Variants in SORCS2 observed in about 807,000 individuals in gnomAD.
SORCS2 encodes the protein VPS10 domain-containing receptor SorCS2.
A neutral mutation model predicts 141.6 loss-of-function variants in SORCS2; 100 were observed. That is an observed-to-expected ratio of 0.71 (90% CI 0.60 to 0.83). The LOEUF is 0.83. SORCS2 is among the 40% of genes least tolerant of loss of function. The pLI, the probability that SORCS2 is intolerant of heterozygous loss-of-function variation, is 0.00. For synonymous variants in SORCS2, 789 were observed against 676.9 expected, an observed-to-expected ratio of 1.17 and a Z score of -2.57; for missense variants, 1,646 against 1,560.2, an observed-to-expected ratio of 1.05 and a Z score of -0.93.
chr4:7,217,804 G>T (rs1728454261), intron 1 of SORCS2, among the ~76,000 whole-genome samples: 1 of 152,244 alleles, frequency 6.6e-6, no homozygotes, highest in Admixed American at 6.5e-5. Context: ...GTGGGGTGAA[G>T]CTCCGACCTG....
chr4:7,441,268 G>T (rs948822618), intron 2 of SORCS2, among the ~76,000 whole-genome samples: 3 of 152,172 alleles, frequency 2.0e-5, no homozygotes, highest in Non-Finnish European at 4.4e-5. Flanking sequence ...GCAAAAGCTG[G>T]AAAGAGCCGC....
chr4:7,676,899 T>TCTCTCTCC (rs202167356), intron 9 of SORCS2, among the ~76,000 whole-genome samples: 3 of 32,384 alleles, frequency 9.3e-5, no homozygotes, highest in African/African-American at 2.1e-4. Flanking sequence ...GGCCTCTCTC[T>TCTCTCTCC]CTCTCTCCCT....
chr4:7,258,272 G>A (rs1360124969), intron 1 of SORCS2, among the ~76,000 whole-genome samples: 1 of 152,148 alleles, frequency 6.6e-6, no homozygotes, highest in Non-Finnish European at 1.5e-5. Context: ...TACATCAGGT[G>A]TTTCTCCTAG....
intron 2 of SORCS2, among the ~76,000 whole-genome samples, chr4:7,520,216 A>G (rs1733237895): frequency 6.6e-6 from 1 of 152,228 alleles, no homozygotes; most frequent in Admixed American, 6.5e-5. Flanking sequence ...GCAGCCTGGC[A>G]TCGCGCCGAT....
At chr4:7,657,608 GGTGAGTGAGTCACTGAATGAGTTA>G (rs569406528) in intron 5 of SORCS2, among the ~76,000 whole-genome samples, 1,709 of 151,482 alleles carry the variant, frequency 0.011, 32 homozygotes, top group African/African-American at 0.039. Context: ...TGAGTGAGTG[GGTGAGTGAGTCACTGAATGAGTTA>G]GTGAGTGAGT....
intron 2 of SORCS2, among the ~76,000 whole-genome samples, chr4:7,443,816 T>A (rs894290368): frequency 6.6e-5 from 10 of 152,180 alleles, no homozygotes; most frequent in African/African-American, 2.4e-4. Flanking sequence ...CGTTCCTGAG[T>A]CTGTGGCTCC....
chr4:7,319,660 A>C (rs1718776561), intron 1 of SORCS2, among the ~76,000 whole-genome samples: 1 of 152,194 alleles, frequency 6.6e-6, no homozygotes, highest in South Asian at 2.1e-4. Context: ...GCTGCAGTGA[A>C]CTATGATCAT....
At chr4:7,492,149 C>CA (rs1731355473) in intron 2 of SORCS2, among the ~76,000 whole-genome samples, 1 of 152,256 alleles carries the variant, frequency 6.6e-6, no homozygotes, top group Non-Finnish European at 1.5e-5. Flanking sequence ...GCAGGCCCGA[C>CA]AGCCTGGCCC....
intron 23 of SORCS2, among the ~76,000 whole-genome samples, chr4:7,732,125 C>T (rs1270218046): frequency 6.6e-6 from 1 of 152,178 alleles, no homozygotes; most frequent in African/African-American, 2.4e-5. Context: ...GATTAAAAAA[C>T]GGGCAAAGGA....
chr4:7,676,313 C>A, intron 9 of SORCS2, 84 bp downstream of exon 9: 2 of 1,407,210 alleles, frequency 1.4e-6, no homozygotes, highest in South Asian at 1.3e-5. Context: ...TCCCCCCTCC[C>A]CTCCCGCCTG....
chr4:7,477,712 G>A (rs1325716726), intron 2 of SORCS2, among the ~76,000 whole-genome samples: 3 of 152,184 alleles, frequency 2.0e-5, no homozygotes, highest in Non-Finnish European at 4.4e-5. Context: ...GAGATTTCCT[G>A]TCCCACTGCA....
intron 1 of SORCS2, among the ~76,000 whole-genome samples, chr4:7,349,003 T>TC: frequency 6.6e-6 from 1 of 152,200 alleles, no homozygotes; most frequent in Non-Finnish European, 1.5e-5. Context: ...AGACACCCCT[T>TC]CCCCCCTCTG....
intron 3 of SORCS2, among the ~76,000 whole-genome samples, chr4:7,630,337 C>A (rs908404797): frequency 1.3e-5 from 2 of 152,220 alleles, no homozygotes; most frequent in Non-Finnish European, 2.9e-5. Context: ...TGCGATTTCT[C>A]CAAGAGTAGA....
intron 2 of SORCS2, among the ~76,000 whole-genome samples, chr4:7,518,058 A>C (rs1194023365): frequency 6.6e-6 from 1 of 152,234 alleles, no homozygotes; most frequent in Non-Finnish European, 1.5e-5. Context: ...AAATATGCTC[A>C]CACAGGGACC....
At chr4:7,364,830 G>A (rs977651471) in intron 1 of SORCS2, among the ~76,000 whole-genome samples, 5 of 152,198 alleles carry the variant, frequency 3.3e-5, no homozygotes, top group Non-Finnish European at 5.9e-5. Flanking sequence ...CAGAGTGCAC[G>A]GATGACAGAG....
rs570157894 is a variant in SORCS2 at position 7,513,187 on chromosome 4, G to A, written c.549-18343G>A. ...GTTTTCGAATCTCTAGAATGGGACCGTATGTAGCCATAATGTGAGAGAGCG... is the reference window on the plus strand; with the variant it reads ...GTTTTCGAATCTCTAGAATGGGACCATATGTAGCCATAATGTGAGAGAGCG... On this transcript the variant is annotated intron_variant, in intron 2 of 26. Coordinates refer to ENST00000507866, the MANE Select transcript of SORCS2 (RefSeq NM_020777.3). Among the ~76,000 whole-genome samples, 9 of 152,184 alleles carry A rather than the reference G, an allele frequency of 5.9e-5. No individual in the cohort carries two copies. The East Asian group carries it at 7.7e-4, about 13-fold the overall frequency.
chr4:7,504,337 G>A (rs1290562022), intron 2 of SORCS2, among the ~76,000 whole-genome samples: 1 of 152,208 alleles, frequency 6.6e-6, no homozygotes, highest in African/African-American at 2.4e-5. Flanking sequence ...TTGGTGTTCA[G>A]CTCAGCACCC....
intron 1 of SORCS2, among the ~76,000 whole-genome samples, chr4:7,223,790 C>G (rs978915268): frequency 6.6e-6 from 1 of 152,148 alleles, no homozygotes; most frequent in African/African-American, 2.4e-5. Flanking sequence ...TGGCCTGTGG[C>G]CCACACCTGT....
chr4:7,525,018 C>G (rs180827475), intron 2 of SORCS2, among the ~76,000 whole-genome samples: 1 of 152,252 alleles, frequency 6.6e-6, no homozygotes, highest in Non-Finnish European at 1.5e-5. Flanking sequence ...CTCCTTTTCT[C>G]GGACACAGCG....
Sources: gnomAD v4.1 joint callset for allele counts (sites outside exome capture counted in the v4.1 genomes callset) on GRCh38, gnomAD v4.1.1 for gene constraint, MANE v1.5 for transcripts, NCBI Gene and HGNC (gene_info 2026-07-23, HGNC 2026-07-21) for gene names.